PTPRD: variants seen among roughly 807,000 people sequenced by gnomAD.
The protein encoded by PTPRD is protein tyrosine phosphatase receptor type D.
PTPRD carries 34 observed loss-of-function variants against 214.5 expected under a neutral mutation model. That is an observed-to-expected ratio of 0.16 (90% confidence interval 0.12 to 0.21). The LOEUF is 0.21. PTPRD is among the 10% of genes least tolerant of loss of function. The probability of loss-of-function intolerance (pLI) is 1.00; values close to 1 mark genes in which losing one functional copy is unlikely to be tolerated. For missense variants in PTPRD, 2,545 were observed against 2,398.7 expected, an observed-to-expected ratio of 1.06 and a Z score of -1.27; for synonymous variants, 1,128 against 845.7, an observed-to-expected ratio of 1.33 and a Z score of -5.79.
At chr9:9,581,359 G>A (rs1047242409) in intron 7 of PTPRD, among the ~76,000 whole-genome samples, 3 of 151,984 alleles carry the variant, frequency 2.0e-5, no homozygotes, top group African/African-American at 7.2e-5. Context: ...TTTGGCATAG[G>A]TTATCAGAAA....
intron 27 of PTPRD, among the ~76,000 whole-genome samples, chr9:8,487,474 A>C (rs1488246804): frequency 6.6e-6 from 1 of 152,158 alleles, no homozygotes; most frequent in African/African-American, 2.4e-5. Flanking sequence ...TCATGTCTAT[A>C]ATCCCAGCAC....
chr9:9,834,315 C>A (rs1162043038), intron 5 of PTPRD, among the ~76,000 whole-genome samples: 1 of 151,946 alleles, frequency 6.6e-6, no homozygotes, highest in African/African-American at 2.4e-5. Flanking sequence ...TTATCATAAT[C>A]TCCATGCTAT....
intron 10 of PTPRD, among the ~76,000 whole-genome samples, chr9:9,034,817 T>C (rs1330306257): frequency 1.3e-5 from 2 of 152,160 alleles, no homozygotes; most frequent in East Asian, 1.9e-4. Flanking sequence ...ATGCAGTGCA[T>C]GGGACAGGAA....
chr9:8,634,221 A>C (rs1463185603), intron 13 of PTPRD, among the ~76,000 whole-genome samples: 1 of 151,332 alleles, frequency 6.6e-6, no homozygotes, highest in Non-Finnish European at 1.5e-5. Context: ...GGTACTTGTT[A>C]GCTAATTCAA....
intron 10 of PTPRD, among the ~76,000 whole-genome samples, chr9:9,113,998 C>G (rs1298712286): frequency 6.6e-6 from 1 of 152,112 alleles, no homozygotes; most frequent in African/African-American, 2.4e-5. Context: ...TCCAGGTTTA[C>G]TCTATATTTG....
chr9:8,516,212 A>G (rs534896505), intron 21 of PTPRD, among the ~76,000 whole-genome samples: 59 of 152,342 alleles, frequency 3.9e-4, no homozygotes, highest in African/African-American at 1.3e-3. Flanking sequence ...ACATTTCCCA[A>G]TGAGAAGCTT....
intron 12 of PTPRD, among the ~76,000 whole-genome samples, chr9:8,642,867 A>T (rs907902470): frequency 2.0e-5 from 3 of 152,228 alleles, no homozygotes; most frequent in Non-Finnish European, 4.4e-5. Context: ...TGCCCAAGTC[A>T]ACAGCACAAC....
chr9:9,788,004 A>T (rs2098938282), intron 5 of PTPRD, among the ~76,000 whole-genome samples: 1 of 151,168 alleles, frequency 6.6e-6, no homozygotes, highest in East Asian at 2.0e-4. Flanking sequence ...GCTGGCCTCA[A>T]ACTCCCGACT....
chr9:9,909,114 T>C (rs953665599), intron 5 of PTPRD, among the ~76,000 whole-genome samples: 4 of 151,916 alleles, frequency 2.6e-5, no homozygotes, highest in Non-Finnish European at 5.9e-5. Flanking sequence ...CTTTTTATTA[T>C]GGAGGGAGTA....
intron 9 of PTPRD, among the ~76,000 whole-genome samples, chr9:9,242,787 C>A (rs1346569205): frequency 2.0e-5 from 3 of 152,102 alleles, no homozygotes; most frequent in African/African-American, 7.2e-5. Flanking sequence ...TGGTTTCAAA[C>A]TCCTCCCTTA....
intron 37 of PTPRD, among the ~76,000 whole-genome samples, chr9:8,383,102 C>G (rs28644788): frequency 0.035 from 5,398 of 152,246 alleles, 305 homozygotes; most frequent in African/African-American, 0.12. Context: ...AATTTTAACC[C>G]AAAAGGATCT....
chr9:10,203,992 T>G (rs560317332), intron 3 of PTPRD, among the ~76,000 whole-genome samples: 38 of 152,302 alleles, frequency 2.5e-4, no homozygotes, highest in African/African-American at 9.1e-4. Context: ...GTGAATCAGA[T>G]GCATGTTTTC....
chr9:10,302,605 G>T (rs1360219241), intron 3 of PTPRD, among the ~76,000 whole-genome samples: 1 of 152,106 alleles, frequency 6.6e-6, no homozygotes, highest in Non-Finnish European at 1.5e-5. Flanking sequence ...AATAGCACGG[G>T]TTACAATCGT....
At chr9:8,559,226 GTTGT>G (rs1455779969) in intron 14 of PTPRD, among the ~76,000 whole-genome samples, 1 of 152,088 alleles carries the variant, frequency 6.6e-6, no homozygotes, top group African/African-American at 2.4e-5. Context: ...GCAGTAATTC[GTTGT>G]TTATTTCAAA....
intron 2 of PTPRD, among the ~76,000 whole-genome samples, chr9:10,391,571 C>T (rs547183760): frequency 9.2e-5 from 14 of 151,844 alleles, no homozygotes; most frequent in Admixed American, 8.6e-4. Flanking sequence ...TAGTAAATCT[C>T]TGTCAACATT....
chr9:9,355,037 G>C (rs1007597656), intron 9 of PTPRD, among the ~76,000 whole-genome samples: 1 of 151,670 alleles, frequency 6.6e-6, no homozygotes, highest in Non-Finnish European at 1.5e-5. Flanking sequence ...GTTGGTGGAG[G>C]ATGGTAACAA....
chr9:10,389,049 A>T (rs1270478199), intron 2 of PTPRD, among the ~76,000 whole-genome samples: 1 of 151,834 alleles, frequency 6.6e-6, no homozygotes, highest in Non-Finnish European at 1.5e-5. Context: ...TTTGGCCCAT[A>T]TGTTTATGTC....
intron 5 of PTPRD, among the ~76,000 whole-genome samples, chr9:9,819,734 A>G (rs2050063313): frequency 6.6e-6 from 1 of 152,046 alleles, no homozygotes; most frequent in East Asian, 1.9e-4. Flanking sequence ...TCCGACACTT[A>G]GCTCCCACTT....
chr9:8,506,326 A>G (rs1300548947), intron 22 of PTPRD, among the ~76,000 whole-genome samples: 10 of 152,120 alleles, frequency 6.6e-5, no homozygotes, highest in Admixed American at 6.5e-4. Context: ...AGTGCCATTA[A>G]CTCCTTTTGT....
Sources: allele counts gnomAD v4.1 joint callset (sites outside exome capture counted in the v4.1 genomes callset), GRCh38; gene constraint gnomAD v4.1.1; transcripts MANE v1.5; gene names NCBI Gene and HGNC (gene_info 2026-07-23, HGNC 2026-07-21).